Variants in DOP1B observed in about 807,000 individuals in gnomAD.
The protein encoded by DOP1B is DOP1 leucine zipper like protein B.
In DOP1B, 174 loss-of-function variants were observed where a neutral mutation model predicts 233.5. The ratio of observed to expected loss-of-function variants is 0.75; its 90% CI spans 0.66 to 0.85. DOP1B has a LOEUF of 0.85. Ranked by LOEUF, DOP1B falls within the 40% of genes least tolerant of loss-of-function variation. The pLI, the probability that DOP1B is intolerant of heterozygous loss-of-function variation, is 0.00. For missense variants in DOP1B, 2,652 were observed against 2,846.6 expected, an observed-to-expected ratio of 0.93 and a Z score of 1.56; for synonymous variants, 1,190 against 1,185.6, an observed-to-expected ratio of 1.00 and a Z score of -0.08.
intron 36 of DOP1B, among the ~76,000 whole-genome samples, chr21:36,292,749 C>T (rs1351155685): frequency 6.6e-6 from 1 of 151,698 alleles, no homozygotes; most frequent in Non-Finnish European, 1.5e-5. Flanking sequence ...GTAGTTGGAA[C>T]TACAGGCACA....
intron 13 of DOP1B, among the ~76,000 whole-genome samples, chr21:36,229,131 G>C (rs2066727850): frequency 6.6e-6 from 1 of 152,210 alleles, no homozygotes; most frequent in Non-Finnish European, 1.5e-5. Flanking sequence ...GTGTGTGTTT[G>C]TGGCATGTGA....
At chr21:36,221,619 C>G (rs536474655) in intron 10 of DOP1B, among the ~76,000 whole-genome samples, 1 of 151,974 alleles carries the variant, frequency 6.6e-6, no homozygotes, top group South Asian at 2.1e-4. Context: ...CTCTGTTGCC[C>G]AGGCTGGAGT....
chr21:36,246,630 T>A lies in DOP1B; in HGVS notation c.4650T>A (p.Asp1550Glu). 6.2e-7 allele frequency: 1 copy of A among 1,614,068 alleles called. No homozygotes were observed. Among genetic ancestry groups the A allele is most frequent in the Non-Finnish European group, 8.5e-7 (1 of 1,180,016 alleles). The change falls in exon 19 of 37, where the codon GAT (aspartate) becomes GAA (glutamate). Residue 1550 changes from aspartate (D) to glutamate (E), a missense_variant. By Grantham distance (45) the Asp-to-Glu change is conservative (BLOSUM62 2). Around this residue, in one of 3 missense-constraint regions of DOP1B, gnomAD observed 2,617 missense variants for 2,794.3 expected, o/e 0.94. Transcript: ENST00000691173. The surrounding 1 kb of genome is among the most constrained non-coding windows in gnomAD (Gnocchi z 5.1). ...TTGTCCAGATTTGCAAAAACTTGGATGACTTGGTCAAGCAGTATGAAAGCG... is the reference window on the plus strand; with the variant it reads ...TTGTCCAGATTTGCAAAAACTTGGAAGACTTGGTCAAGCAGTATGAAAGCG... ...PFVVQICKNL[D>E]DLVKQYESES...
chr21:36,241,503 CTTTTTTT>C (rs1165636640), intron 18 of DOP1B, among the ~76,000 whole-genome samples: 3 of 76,474 alleles, frequency 3.9e-5, no homozygotes, highest in Admixed American at 1.9e-4. Context: ...TTATCTTAAT[CTTTTTTT>C]TTTTTTTTTT....
chr21:36,269,746 C>T (rs796501796), intron 26 of DOP1B, among the ~76,000 whole-genome samples: 14 of 152,188 alleles, frequency 9.2e-5, no homozygotes, highest in African/African-American at 3.1e-4. Flanking sequence ...TGGTCTCAAA[C>T]TCCTGACCTC....
chr21:36,219,273 C>T lies in DOP1B; in HGVS notation c.1130-99C>T, dbSNP rs1601420976. ...AGACTATATAAAATGTCTGTCTGCACAGGTTTACTGTATATATGTCTTATG... is the reference window on the plus strand; with the variant it reads ...AGACTATATAAAATGTCTGTCTGCATAGGTTTACTGTATATATGTCTTATG... On this transcript the variant is annotated intron_variant, in intron 9 of 36. Coordinates refer to ENST00000691173, the MANE Select transcript of DOP1B (RefSeq NM_001320714.2). The T allele has an allele frequency of 9.8e-6, 14 of 1,433,422 alleles. No homozygotes were observed. In the South Asian group the frequency reaches 1.9e-4, roughly 20 times the overall value. 88.8% of individuals were successfully genotyped at this position (1,433,422 alleles called of 1,614,324 possible).
chr21:36,206,528 TC>T (rs2066427271), intron 4 of DOP1B, among the ~76,000 whole-genome samples: 1 of 110,990 alleles, frequency 9.0e-6, no homozygotes, highest in Non-Finnish European at 1.9e-5. Context: ...ACACCCTGCC[TC>T]AAAAAAAAAA....
chr21:36,272,722 C>T (rs1374555015), intron 27 of DOP1B, among the ~76,000 whole-genome samples: 3 of 147,498 alleles, frequency 2.0e-5, no homozygotes, highest in Non-Finnish European at 4.5e-5. Flanking sequence ...CGGTGGCTCA[C>T]GCCTGTAATC....
At chr21:36,288,612 C>G (rs1213702201) in intron 33 of DOP1B, 144 bp from the exon 34 acceptor site, 3 of 644,316 alleles carry the variant, frequency 4.7e-6, no homozygotes, top group Non-Finnish European at 8.1e-6. Context: ...GATTGTACCA[C>G]TGCACTCCAG....
Position 36,245,371 on chromosome 21 carries a change from C to T in DOP1B, c.3391C>T (p.Pro1131Ser), listed in dbSNP as rs867186682. The change falls in exon 19 of 37, where the codon CCT becomes TCT. Residue 1131 changes from proline to serine, a missense_variant. By Grantham distance (74) the Pro-to-Ser change is moderately conservative. Around this residue, in one of 3 missense-constraint regions of DOP1B, gnomAD observed 2,617 missense variants for 2,794.3 expected, o/e 0.94. Coordinates refer to ENST00000691173, the MANE Select transcript of DOP1B (RefSeq NM_001320714.2). This position sits in a 1 kb window ranked among gnomAD's most constrained non-coding sequence, Gnocchi z 5.5. ...CGAGAACACGTCCTCCTTCTCCTCCCCTTCCCACGACCTGCAGGAGCTGAG... is the reference window on the plus strand; with the variant it reads ...CGAGAACACGTCCTCCTTCTCCTCCTCTTCCCACGACCTGCAGGAGCTGAG... ...DSENTSSFSS[P>S]SHDLQELSNE... 20 of 1,614,136 alleles carry T rather than the reference C, an allele frequency of 1.2e-5. No homozygotes were observed. The Middle Eastern group carries it at 3.3e-3, about 266-fold the overall frequency.
chr21:36,252,382 C>G (rs2067041360), intron 22 of DOP1B, among the ~76,000 whole-genome samples: 2 of 148,470 alleles, frequency 1.3e-5, no homozygotes, highest in Admixed American at 1.4e-4. Context: ...CACTTGAAGC[C>G]AGGAATATGA....
chr21:36,223,670 A>G (rs568574230), intron 11 of DOP1B, among the ~76,000 whole-genome samples: 1 of 152,326 alleles, frequency 6.6e-6, no homozygotes, highest in South Asian at 2.1e-4. Context: ...TGCCCGATCT[A>G]TTGAAAGCAG....
intron 12 of DOP1B, among the ~76,000 whole-genome samples, chr21:36,226,835 C>G (rs1270390817): frequency 1.3e-5 from 2 of 152,170 alleles, no homozygotes; most frequent in Non-Finnish European, 2.9e-5. Context: ...CTCAAGCAAT[C>G]TCCCTGCATC....
intron 2 of DOP1B, among the ~76,000 whole-genome samples, chr21:36,190,874 G>C (rs2066225765): frequency 6.6e-6 from 1 of 152,240 alleles, no homozygotes; most frequent in Non-Finnish European, 1.5e-5. Context: ...CCTGGATGGA[G>C]GATGGAGATG....
At chr21:36,276,280 T>C (rs2067348371) in intron 27 of DOP1B, among the ~76,000 whole-genome samples, 1 of 152,076 alleles carries the variant, frequency 6.6e-6, no homozygotes, top group Non-Finnish European at 1.5e-5. Context: ...CCTATAGTCC[T>C]AGCACTTAGG....
At position 36,237,146 on chromosome 21, in the gene DOP1B, A is replaced by G. The variant is rs2066836966; in HGVS notation, c.2623-116A>G. 6 of 1,366,226 alleles carry G rather than the reference A, an allele frequency of 4.4e-6. No individual in the cohort carries two copies. The Admixed American group carries it at 7.6e-5, about 17-fold the overall frequency. 84.6% of individuals were successfully genotyped at this position (1,366,226 alleles called of 1,614,324 possible). A position where few individuals can be genotyped will look rare whatever the true frequency, so the allele number is the denominator to read the frequency against. On this transcript the variant is annotated intron_variant, in intron 15 of 36. Transcript: ENST00000691173. ...GTCTCTGAGCATGGAGGATTCTCAC[A>G]TGGCAAGTATAGGTGAGATCCAGTA... is the stretch of plus-strand genomic sequence containing the variant.
intron 15 of DOP1B, 32 bp from the exon 16 acceptor site, chr21:36,237,230 G>T: frequency 6.2e-7 from 1 of 1,613,922 alleles, no homozygotes; most frequent in Non-Finnish European, 8.5e-7. Context: ...TGTTGACCTG[G>T]TCCCCCACCG....
intron 35 of DOP1B, among the ~76,000 whole-genome samples, chr21:36,290,431 TG>T (rs1043178099): frequency 2.2e-4 from 33 of 151,764 alleles, no homozygotes; most frequent in African/African-American, 7.5e-4. Context: ...GAGGCCAAGG[TG>T]GGTGGATCAC....
Position 36,239,865 on chromosome 21 carries a change from G to T in DOP1B, c.2977G>T (p.Ala993Ser). The change falls in exon 18 of 37, where the codon GCT (alanine) becomes TCT (serine). Residue 993 changes from alanine to serine, a missense_variant. Around this residue, in one of 3 missense-constraint regions of DOP1B, gnomAD observed 2,617 missense variants for 2,794.3 expected, o/e 0.94. Coordinates refer to ENST00000691173, the MANE Select transcript of DOP1B (RefSeq NM_001320714.2). ...LVRALSLGDVARILEPVLLLL... is the reference protein window; with the variant it reads ...LVRALSLGDVSRILEPVLLLL... ...GCGTGCGCTCTCCCTCGGGGACGTG[G>T]CTCGCATCCTCGAACCCGTGCTCCT... is the stretch of plus-strand genomic sequence containing the variant. 1 of 1,598,480 alleles carries T rather than the reference G, an allele frequency of 6.3e-7. No homozygotes were observed. Among genetic ancestry groups the T allele is most frequent in the Non-Finnish European group, 8.5e-7 (1 of 1,174,292 alleles).
Sources: allele counts gnomAD v4.1 joint callset (sites outside exome capture counted in the v4.1 genomes callset), GRCh38; gene constraint gnomAD v4.1.1; regional missense constraint gnomAD v4.1.1; non-coding constraint Gnocchi (gnomAD v3.1); transcripts MANE v1.5; gene names NCBI Gene and HGNC (gene_info 2026-07-23, HGNC 2026-07-21).